The following CYP4X1 variants were observed in gnomAD, a reference collection of about 807,000 sequenced individuals.
CYP4X1 encodes the protein cytochrome P450 4X1.
Under a neutral mutation model 57.9 loss-of-function variants are expected in CYP4X1, and 44 were observed. That is an observed-to-expected ratio of 0.76 (90% CI 0.60 to 0.98). CYP4X1 has a LOEUF of 0.98. Ranked by LOEUF, CYP4X1 falls within the 50% of genes least tolerant of loss-of-function variation. CYP4X1 has a pLI of 0.00. For missense variants in CYP4X1, 532 were observed against 623.9 expected (o/e 0.85, Z 1.57); for synonymous variants, 227 against 228.6 (o/e 0.99, Z 0.06).
At position 47,038,747 on chromosome 1, in the gene CYP4X1, A is replaced by G; in HGVS notation, c.863A>G (p.Asp288Gly). The G allele has an allele frequency of 6.2e-7, 1 of 1,609,992 alleles. No homozygotes were observed. Among genetic ancestry groups the G allele is most frequent in the Non-Finnish European group, 8.5e-7 (1 of 1,178,082 alleles). ...TPKRKYQDFL[D>G]IVLSAKDESG... ...AAGAGGAAGTACCAGGATTTTCTGGATATTGTCCTTTCTGCCAAGGTAAAT... is the reference window on the plus strand; with the variant it reads ...AAGAGGAAGTACCAGGATTTTCTGGGTATTGTCCTTTCTGCCAAGGTAAAT... The change falls in exon 7 of 12, where the codon GAT becomes GGT. Residue 288 changes from aspartate to glycine, a missense_variant. Physicochemically the swap from Asp to Gly is moderately conservative, Grantham distance 94. Coordinates refer to ENST00000371901, the MANE Select transcript of CYP4X1 (RefSeq NM_178033.2).
chr1:47,054,822 G>A (rs1049484432), downstream of CYP4X1, among the ~76,000 whole-genome samples: 6 of 152,202 alleles, frequency 3.9e-5, no homozygotes, highest in South Asian at 2.1e-4. Context: ...ATTTTGGGCT[G>A]AGACGATGGG....
chr1:47,006,466 C>T, the CYP4X1 span, among the ~76,000 whole-genome samples: 6 of 152,160 alleles, frequency 3.9e-5, no homozygotes, highest in Admixed American at 1.3e-4. Context: ...CCAAGATGGC[C>T]GAATAGGAAC....
chr1:47,000,801 ACAGGTGGGAAGAAGG>A, the CYP4X1 span: 1 of 153,184 alleles, frequency 6.5e-6, no homozygotes. Flanking sequence ...AGGACAACAT[ACAGGTGGGAAGAAGG>A]CAGGTGGGTG....
At chr1:47,054,819 G>A (rs1644383261), downstream of CYP4X1, among the ~76,000 whole-genome samples, 1 of 152,170 alleles carries the variant, frequency 6.6e-6, no homozygotes, top group African/African-American at 2.4e-5. Flanking sequence ...GAGATTTTGG[G>A]CTGAGACGAT....
the CYP4X1 span, among the ~76,000 whole-genome samples, chr1:46,981,583 A>T: frequency 6.6e-6 from 1 of 152,356 alleles, no homozygotes; most frequent in South Asian, 2.1e-4. Flanking sequence ...GTGATTCCTC[A>T]AGGATCTAGA....
At chr1:46,979,566 G>C in the CYP4X1 span, among the ~76,000 whole-genome samples, 4 of 152,086 alleles carry the variant, frequency 2.6e-5, no homozygotes, top group Admixed American at 1.3e-4. Context: ...AGCTGGTACT[G>C]TTCCTTCTGA....
intron 8 of CYP4X1, among the ~76,000 whole-genome samples, chr1:47,041,155 TTATA>T (rs1259145279): frequency 3.3e-5 from 5 of 152,168 alleles, no homozygotes; most frequent in Admixed American, 3.3e-4. Context: ...AGTCCATTGT[TTATA>T]TATATACCAT....
chr1:46,988,618 C>T, the CYP4X1 span, among the ~76,000 whole-genome samples: 2 of 152,134 alleles, frequency 1.3e-5, no homozygotes, highest in Non-Finnish European at 2.9e-5. Context: ...TGAGGAACAT[C>T]GATGGGAAAA....
the CYP4X1 span, among the ~76,000 whole-genome samples, chr1:46,990,852 A>G: frequency 6.6e-6 from 1 of 152,108 alleles, no homozygotes; most frequent in Non-Finnish European, 1.5e-5. Flanking sequence ...TTGAACAATG[A>G]GAACACATGG....
rs1379670965 is a variant in CYP4X1 at position 47,026,901 on chromosome 1, G to GTAATTTTTGT, written c.177+2907_177+2908insTAATTTTTGT. Reference sequence around the variant, plus strand: ...CCAACTAATTTTTGTATTTTCAGTAGAGACGGGGTTTCACCATATTGGCCA... The same window carrying GTAATTTTTGT: ...CCAACTAATTTTTGTATTTTCAGTAGTAATTTTTGTAGACGGGGTTTCACCATATTGGCCA... On this transcript the variant is annotated intron_variant, in intron 1 of 11. Transcript: ENST00000371901. 4.5e-3 allele frequency among the ~76,000 whole-genome samples: 682 copies of GTAATTTTTGT among 152,120 alleles called. 1 individual carries two copies. The highest frequency in any genetic ancestry group is 7.1e-3 in the Non-Finnish European group (480 of 68,000).
At chr1:46,965,648 C>G in the CYP4X1 span, among the ~76,000 whole-genome samples, 1 of 152,236 alleles carries the variant, frequency 6.6e-6, no homozygotes, top group Non-Finnish European at 1.5e-5. Context: ...CACCTGGAAA[C>G]CCCTGTTGGG....
At chr1:47,040,305 A>G (rs1013836069) in intron 8 of CYP4X1, among the ~76,000 whole-genome samples, 10 of 152,194 alleles carry the variant, frequency 6.6e-5, no homozygotes, top group African/African-American at 2.2e-4. Context: ...GGAAACTGTC[A>G]TCTCTATCTT....
the CYP4X1 span, among the ~76,000 whole-genome samples, chr1:46,997,768 G>A: frequency 2.0e-5 from 3 of 152,174 alleles, no homozygotes; most frequent in African/African-American, 7.2e-5. Flanking sequence ...AGTTCTTTGA[G>A]AAATTTCTAT....
intron 11 of CYP4X1, 41 bp from the exon 12 acceptor site, chr1:47,049,956 ACAT>A (rs1205567321): frequency 6.3e-7 from 1 of 1,585,536 alleles, no homozygotes; most frequent in East Asian, 2.2e-5. Context: ...GTCAGAAGAA[ACAT>A]CATTTTTTCA....
chr1:46,984,396 A>G, the CYP4X1 span, among the ~76,000 whole-genome samples: 1 of 151,432 alleles, frequency 6.6e-6, no homozygotes, highest in African/African-American at 2.4e-5. Context: ...AAAAAAAAAA[A>G]AAAAACCAGG....
chr1:47,028,313 G>C (rs1349449795), intron 1 of CYP4X1, among the ~76,000 whole-genome samples: 1 of 152,030 alleles, frequency 6.6e-6, no homozygotes. Context: ...TACACACTTG[G>C]GCAGATCATT....
At chr1:46,973,598 A>G in the CYP4X1 span, among the ~76,000 whole-genome samples, 1 of 152,084 alleles carries the variant, frequency 6.6e-6, no homozygotes, top group Non-Finnish European at 1.5e-5. Context: ...TACTGATTCA[A>G]TTTAATACCT....
chr1:46,979,224 A>G, the CYP4X1 span, among the ~76,000 whole-genome samples: 1 of 152,122 alleles, frequency 6.6e-6, no homozygotes, highest in East Asian at 1.9e-4. Context: ...TTGATAGACC[A>G]CTAGCAAGAC....
chr1:46,981,045 G>A, the CYP4X1 span, among the ~76,000 whole-genome samples: 1 of 151,916 alleles, frequency 6.6e-6, no homozygotes, highest in African/African-American at 2.4e-5. Context: ...GAAAACCTAG[G>A]CAATACCATT....
Sources: allele counts gnomAD v4.1 joint callset (sites outside exome capture counted in the v4.1 genomes callset), GRCh38; gene constraint gnomAD v4.1.1; transcripts MANE v1.5; gene names NCBI Gene and HGNC (gene_info 2026-07-23, HGNC 2026-07-21).